The following TRAP1 variants were observed in gnomAD, a reference collection of about 807,000 sequenced individuals.
TRAP1 encodes TNF receptor associated protein 1, also known as heat shock protein 75 kDa, mitochondrial.
A neutral mutation model predicts 89.1 loss-of-function variants in TRAP1; 102 were observed. That is an observed-to-expected ratio of 1.15 (90% CI 0.98 to 1.35). The LOEUF (loss-of-function observed/expected upper bound fraction) is 1.35. Ranked by LOEUF, TRAP1 falls within the 40% of genes most tolerant of loss-of-function variation. The pLI, the probability that TRAP1 is intolerant of heterozygous loss-of-function variation, is 0.00. For missense variants in TRAP1, 1,256 were observed against 945.3 expected (o/e 1.33, Z -4.31); for synonymous variants, 508 against 388.0 (o/e 1.31, Z -3.64).
At chr16:3,687,560 C>A (rs571228418) in intron 3 of TRAP1, among the ~76,000 whole-genome samples, 1 of 152,232 alleles carries the variant, frequency 6.6e-6, no homozygotes, top group East Asian at 1.9e-4. Context: ...CTGAAAAGCA[C>A]ACTGACCTCA....
chr16:3,680,534 G>A (rs1015343717), intron 4 of TRAP1, among the ~76,000 whole-genome samples: 23 of 152,238 alleles, frequency 1.5e-4, no homozygotes, highest in Admixed American at 4.6e-4. Context: ...AGCTCTGCAC[G>A]CGGCACCTAC....
intron 4 of TRAP1, 140 bp from the exon 5 acceptor site, chr16:3,679,930 GAA>G: frequency 1.4e-6 from 1 of 737,830 alleles, no homozygotes; most frequent in East Asian, 2.7e-5. Flanking sequence ...ATGCTCATCA[GAA>G]AAGACTAATT....
intron 1 of TRAP1, 158 bp from the exon 2 acceptor site, chr16:3,691,143 T>C (rs1161642585): frequency 9.8e-6 from 6 of 609,976 alleles, no homozygotes; most frequent in Non-Finnish European, 1.5e-5. Flanking sequence ...TGCCACAGTG[T>C]CAGGGTGTGG....
Position 3,676,085 on chromosome 16 carries a change from G to A in TRAP1, c.765C>T (p.Ile255=), listed in dbSNP as rs1403237494. 6.2e-7 allele frequency: 1 copy of A among 1,613,964 alleles called. No individual in the cohort carries two copies. The highest frequency in any genetic ancestry group is 1.1e-5 in the South Asian group (1 of 91,008). The change falls in exon 7 of 18, where the codon ATC becomes ATT. Residue 255 remains isoleucine (I), a synonymous_variant. Coordinates refer to ENST00000246957, the MANE Select transcript of TRAP1 (RefSeq NM_016292.3). ...ACTCCTTGCAGTCGGATTTCAGGTG[G>A]ATGATGATTTTTGTCCCGGTTCTAA... is the stretch of plus-strand genomic sequence containing the variant. ...SGVRTGTKII[I]HLKSDCKEFS...
chr16:3,670,179 G>A lies in TRAP1; in HGVS notation c.1235+1543C>T, dbSNP rs184411767. Among the ~76,000 whole-genome samples, 397 of 150,266 alleles carry A rather than the reference G, an allele frequency of 2.6e-3. 3 individuals are homozygous for A. The highest frequency in any genetic ancestry group is 9.3e-3 in the African/African-American group (378 of 40,806). The stretch of plus-strand genomic sequence containing the variant: ...AGGCGGATCACGAAGTCAGGAGATC[G>A]AGACCATCCTGGCTAACACGGTGAA... On this transcript the variant is annotated intron_variant, in intron 11 of 17. Transcript: ENST00000246957.
At chr16:3,692,685 A>G (rs1373818296) in intron 1 of TRAP1, among the ~76,000 whole-genome samples, 2 of 124,764 alleles carry the variant, frequency 1.6e-5, no homozygotes, top group Admixed American at 9.7e-5. Context: ...TGCAACCTCC[A>G]CCTCCCGGGT....
chr16:3,670,790 G>A (rs377616692), intron 11 of TRAP1, among the ~76,000 whole-genome samples: 1 of 152,146 alleles, frequency 6.6e-6, no homozygotes, highest in Admixed American at 6.6e-5. Flanking sequence ...GAGGCAGGAG[G>A]ATATCACCGG....
chr16:3,707,541 A>T (rs532381463), intron 1 of TRAP1, among the ~76,000 whole-genome samples: 10 of 151,840 alleles, frequency 6.6e-5, no homozygotes, highest in African/African-American at 1.7e-4. Flanking sequence ...AAATATAAGG[A>T]CCACATAAAA....
intron 11 of TRAP1, among the ~76,000 whole-genome samples, chr16:3,667,746 A>G (rs1279514990): frequency 6.7e-6 from 1 of 149,986 alleles, no homozygotes; most frequent in Non-Finnish European, 1.5e-5. Context: ...TAGTATAAAT[A>G]TAACACATCA....
intron 3 of TRAP1, among the ~76,000 whole-genome samples, chr16:3,688,618 G>GTGGGTCAGGTGCCC (rs2051169590): frequency 1.3e-5 from 2 of 152,198 alleles, no homozygotes; most frequent in South Asian, 4.1e-4. Flanking sequence ...GAGTAGCTGG[G>GTGGGTCAGGTGCCC]ACCACAGGTC....
rs979205092 is a variant in TRAP1 at position 3,691,097 on chromosome 16, C to T, written c.89-112G>A. 1.7e-5 allele frequency: 18 copies of T among 1,051,662 alleles called. No individual in the cohort carries two copies. The South Asian group carries it at 1.9e-4, about 11-fold the overall frequency. The allele number at this position is 1,051,662 out of a possible 1,614,324, so 65.1% of individuals were successfully genotyped here. The stretch of plus-strand genomic sequence containing the variant: ...GAAGCTAGCGTGGACATCTCTAAGT[C>T]GGGCTGTTGCTGAAAGAGAAATCCA... On this transcript the variant is annotated intron_variant, in intron 1 of 17. Transcript: ENST00000246957.
In TRAP1 at chr16:3,679,740, C is replaced by G. The variant is rs772700840; in HGVS notation, c.522G>C (p.Thr174=). ...TQEELVSNLG[T]IARSGSKAFL... ...TTACCTTTGACCCCGATCTGGCAAT[C>G]GTCCCCAGGTTGGACACCAGCTCTT... Residue 174 remains threonine (T), a synonymous_variant, in exon 5 of 18, where the codon ACG becomes ACC. Coordinates refer to ENST00000246957, the MANE Select transcript of TRAP1 (RefSeq NM_016292.3). 8 of 1,613,994 alleles carry G rather than the reference C, an allele frequency of 5.0e-6. 1 individual carries two copies. In the South Asian group the frequency reaches 8.8e-5, roughly 18 times the overall value.
intron 17 of TRAP1, 81 bp from the exon 18 acceptor site, chr16:3,658,311 GTT>G: frequency 8.6e-7 from 1 of 1,169,116 alleles, no homozygotes; most frequent in Non-Finnish European, 1.2e-6. Context: ...GAGTCTCACT[GTT>G]GCCGAGGCTG....
intron 1 of TRAP1, among the ~76,000 whole-genome samples, chr16:3,696,346 A>G (rs2051287030): frequency 6.6e-6 from 1 of 152,244 alleles, no homozygotes; most frequent in Non-Finnish European, 1.5e-5. Flanking sequence ...TCCCAGTGGC[A>G]GAATCTAGGA....
Position 3,663,542 on chromosome 16 carries a change from C to T in TRAP1, c.1590G>A (p.Gln530=), listed in dbSNP as rs780175390. 6.8e-6 allele frequency: 11 copies of T among 1,613,974 alleles called. No homozygotes were observed. Among genetic ancestry groups the T allele is most frequent in the Non-Finnish European group, 9.3e-6 (11 of 1,180,008 alleles). ...GGTGCAGCAGGGTGAGCTCATCAAACTGCTCAAAGCAGAAGAGAACCTGCA... is the reference window on the plus strand; with the variant it reads ...GGTGCAGCAGGGTGAGCTCATCAAATTGCTCAAAGCAGAAGAGAACCTGCA... ...KDTEVLFCFE[Q]FDELTLLHLR... The change falls in exon 14 of 18, where the codon CAG becomes CAA. Residue 530 remains glutamine, a synonymous_variant. Coordinates refer to ENST00000246957, the MANE Select transcript of TRAP1 (RefSeq NM_016292.3).
intron 4 of TRAP1, among the ~76,000 whole-genome samples, chr16:3,684,635 C>CA (rs1230518801): frequency 6.6e-6 from 1 of 152,060 alleles, no homozygotes; most frequent in Non-Finnish European, 1.5e-5. Flanking sequence ...ACTAAAAATA[C>CA]AAAAATTAGT....
intron 8 of TRAP1, chr16:3,674,989 G>C (rs2050969318): frequency 2.9e-6 from 1 of 349,292 alleles, no homozygotes; most frequent in Non-Finnish European, 5.3e-6. Context: ...GCTGCTTTTT[G>C]GGGTGATGGG....
chr16:3,713,563 C>T (rs1035231788), intron 1 of TRAP1, among the ~76,000 whole-genome samples: 4 of 152,180 alleles, frequency 2.6e-5, no homozygotes, highest in East Asian at 1.9e-4. Flanking sequence ...CCAGTCCTAT[C>T]GTGGTTGCCT....
chr16:3,686,202 A>C, intron 3 of TRAP1, 66 bp from the exon 4 acceptor site: 3 of 1,554,934 alleles, frequency 1.9e-6, no homozygotes, highest in Non-Finnish European at 2.6e-6. Flanking sequence ...CTATCTGGTC[A>C]GCTGCACTTC....
Sources: allele counts gnomAD v4.1 joint callset (sites outside exome capture counted in the v4.1 genomes callset), GRCh38; gene constraint gnomAD v4.1.1; transcripts MANE v1.5; gene names NCBI Gene and HGNC (gene_info 2026-07-23, HGNC 2026-07-21).